Variants in AGBL4 observed in about 807,000 individuals in gnomAD.
AGBL4 encodes cytosolic carboxypeptidase 6.
A neutral mutation model predicts 66.4 loss-of-function variants in AGBL4; 58 were observed. The ratio of observed to expected loss-of-function variants is 0.87; its 90% CI spans 0.71 to 1.09. AGBL4 has a LOEUF of 1.09. Ranked by LOEUF, AGBL4 falls within the 50% of genes least tolerant of loss-of-function variation. AGBL4 has a pLI of 0.00. For synonymous variants in AGBL4, 234 were observed against 222.9 expected, an observed-to-expected ratio of 1.05 and a Z score of -0.44; for missense variants, 579 against 631.0, an observed-to-expected ratio of 0.92 and a Z score of 0.88.
chr1:49,121,724 A>T (rs1310636025), intron 4 of AGBL4, among the ~76,000 whole-genome samples: 1 of 152,174 alleles, frequency 6.6e-6, no homozygotes, highest in Non-Finnish European at 1.5e-5. Flanking sequence ...TGCTGGGAGA[A>T]CCACTGCTCT....
At chr1:49,041,995 T>C (rs1643953516) in intron 5 of AGBL4, among the ~76,000 whole-genome samples, 1 of 152,144 alleles carries the variant, frequency 6.6e-6, no homozygotes, top group Non-Finnish European at 1.5e-5. Flanking sequence ...TTTAAAGACA[T>C]TCTCCATGAT....
chr1:48,803,613 G>T (rs563118402), intron 6 of AGBL4, among the ~76,000 whole-genome samples: 75 of 152,338 alleles, frequency 4.9e-4, no homozygotes, highest in South Asian at 1.2e-3. Flanking sequence ...TCTGGGGAAG[G>T]TACAGATCTG....
intron 5 of AGBL4, among the ~76,000 whole-genome samples, chr1:48,971,958 TG>T (rs1323400494): frequency 6.6e-6 from 1 of 152,176 alleles, no homozygotes; most frequent in African/African-American, 2.4e-5. Context: ...CTTCTCTGCC[TG>T]GTGTTTCTCC....
intron 2 of AGBL4, among the ~76,000 whole-genome samples, chr1:49,776,480 TG>T (rs982788379): frequency 6.6e-6 from 1 of 152,142 alleles, no homozygotes; most frequent in Non-Finnish European, 1.5e-5. Flanking sequence ...CCTTATATGA[TG>T]AGAGTCCTAA....
chr1:48,984,586 C>CT (rs1281320247), intron 5 of AGBL4, among the ~76,000 whole-genome samples: 3 of 149,436 alleles, frequency 2.0e-5, no homozygotes, highest in Non-Finnish European at 4.5e-5. Flanking sequence ...AGGCAGTTTT[C>CT]TTTTTTTGAA....
At chr1:48,769,342 G>A (rs984550852) in intron 6 of AGBL4, among the ~76,000 whole-genome samples, 9 of 152,052 alleles carry the variant, frequency 5.9e-5, no homozygotes, top group Admixed American at 2.0e-4. Context: ...GTACAGGACT[G>A]GGGCACAGAA....
chr1:49,019,105 G>C (rs1254750080), intron 5 of AGBL4, among the ~76,000 whole-genome samples: 1 of 152,146 alleles, frequency 6.6e-6, no homozygotes, highest in African/African-American at 2.4e-5. Context: ...TCACAAGTTG[G>C]AATAGGCTAT....
At chr1:49,159,895 TG>T (rs1378317354) in intron 4 of AGBL4, among the ~76,000 whole-genome samples, 2 of 152,164 alleles carry the variant, frequency 1.3e-5, no homozygotes, top group Non-Finnish European at 2.9e-5. Context: ...GTTATCATGC[TG>T]TGTTTTTCAG....
At chr1:48,626,147 C>T (rs1645499046) in intron 9 of AGBL4, among the ~76,000 whole-genome samples, 1 of 152,202 alleles carries the variant, frequency 6.6e-6, no homozygotes, top group South Asian at 2.1e-4. Flanking sequence ...ACTGTTTGAG[C>T]AGACCTAAGA....
At chr1:48,633,699 T>A (rs1645625884) in intron 9 of AGBL4, among the ~76,000 whole-genome samples, 1 of 152,216 alleles carries the variant, frequency 6.6e-6, no homozygotes, top group Admixed American at 6.5e-5. Flanking sequence ...CTGCGATAGC[T>A]CTTCAGAGAC....
At chr1:49,421,591 A>C (rs1394049846) in intron 3 of AGBL4, among the ~76,000 whole-genome samples, 3 of 152,226 alleles carry the variant, frequency 2.0e-5, no homozygotes, top group African/African-American at 7.2e-5. Flanking sequence ...TTGAGTTAGC[A>C]GTGTCCAATG....
At chr1:48,617,723 T>G (rs1360535458) in intron 9 of AGBL4, among the ~76,000 whole-genome samples, 1 of 152,194 alleles carries the variant, frequency 6.6e-6, no homozygotes. Flanking sequence ...GTCTGCCACT[T>G]CTGCCTTGGG....
At chr1:48,888,203 C>T (rs1253997314) in intron 5 of AGBL4, among the ~76,000 whole-genome samples, 1 of 152,112 alleles carries the variant, frequency 6.6e-6, no homozygotes, top group Admixed American at 6.5e-5. Context: ...CTTTACAATT[C>T]CAAAATGATT....
At chr1:48,695,258 G>C (rs1465787668) in intron 6 of AGBL4, among the ~76,000 whole-genome samples, 1 of 152,186 alleles carries the variant, frequency 6.6e-6, no homozygotes, top group African/African-American at 2.4e-5. Flanking sequence ...TCCCCAGCTG[G>C]TGAAAGATGC....
At chr1:49,080,383 T>C (rs981274461) in intron 4 of AGBL4, among the ~76,000 whole-genome samples, 1 of 152,116 alleles carries the variant, frequency 6.6e-6, no homozygotes, top group Non-Finnish European at 1.5e-5. Context: ...CCAGGCTCTA[T>C]AAGCTGAGGC....
intron 6 of AGBL4, among the ~76,000 whole-genome samples, chr1:48,791,558 T>C (rs565489941): frequency 6.6e-6 from 1 of 152,326 alleles, no homozygotes; most frequent in South Asian, 2.1e-4. Context: ...AAAGAGACTT[T>C]ACTGAAACAG....
chr1:48,883,298 T>C (rs568918891), intron 5 of AGBL4, among the ~76,000 whole-genome samples: 1 of 152,230 alleles, frequency 6.6e-6, no homozygotes, highest in Admixed American at 6.5e-5. Flanking sequence ...GTCTTTGTGC[T>C]AATAGCCATT....
intron 3 of AGBL4, among the ~76,000 whole-genome samples, chr1:49,548,290 T>C (rs1213836283): frequency 6.6e-6 from 1 of 152,168 alleles, no homozygotes; most frequent in Non-Finnish European, 1.5e-5. Context: ...TGGATGCGTT[T>C]TATTTCTTTC....
At chr1:49,806,076 G>A (rs1036937285) in intron 2 of AGBL4, among the ~76,000 whole-genome samples, 4 of 152,190 alleles carry the variant, frequency 2.6e-5, no homozygotes, top group African/African-American at 9.7e-5. Flanking sequence ...AGTGCTTGGA[G>A]GTGTGTGCTA....
Sources: allele counts gnomAD v4.1 joint callset (sites outside exome capture counted in the v4.1 genomes callset), GRCh38; gene constraint gnomAD v4.1.1; transcripts MANE v1.5; gene names NCBI Gene and HGNC (gene_info 2026-07-23, HGNC 2026-07-21).